Variants in SAMMSON observed in about 807,000 individuals in gnomAD.
SAMMSON encodes survival associated mitochondrial melanoma specific oncogenic non-coding RNA, also known as long intergenic non-protein coding RNA 1212.
At chr3:70,379,119 T>C (rs915212065) in intron 9 of SAMMSON, among the ~76,000 whole-genome samples, 1 of 151,964 alleles carries the variant, frequency 6.6e-6, no homozygotes, top group Non-Finnish European at 1.5e-5. Flanking sequence ...GTTCAAGCCA[T>C]TCTTCTGCCT....
At chr3:70,122,241 G>C (rs994470867) in intron 4 of SAMMSON, among the ~76,000 whole-genome samples, 1 of 152,034 alleles carries the variant, frequency 6.6e-6, no homozygotes, top group Admixed American at 6.6e-5. Context: ...CACCCAGGCC[G>C]GAGTGTAGTG....
intron 3 of SAMMSON, among the ~76,000 whole-genome samples, chr3:70,038,758 C>A (rs150911105): frequency 2.0e-5 from 3 of 152,078 alleles, no homozygotes; most frequent in Non-Finnish European, 4.4e-5. Flanking sequence ...TCAGATGAAG[C>A]CTCTATGAAT....
chr3:70,111,314 T>C (rs920963987), intron 4 of SAMMSON, among the ~76,000 whole-genome samples: 10 of 152,068 alleles, frequency 6.6e-5, no homozygotes, highest in Non-Finnish European at 8.8e-5. Flanking sequence ...GAAATAAAAA[T>C]AAATACTCAA....
At chr3:70,006,174 T>C (rs2107574969) in intron 1 of SAMMSON, among the ~76,000 whole-genome samples, 1 of 152,292 alleles carries the variant, frequency 6.6e-6, no homozygotes, top group Middle Eastern at 3.4e-3. Flanking sequence ...TAAAACAGAT[T>C]AGTGTCATTA....
At chr3:70,276,968 A>G (rs559360306) in intron 6 of SAMMSON, among the ~76,000 whole-genome samples, 2 of 148,936 alleles carry the variant, frequency 1.3e-5, no homozygotes, top group East Asian at 2.0e-4. Context: ...TTTTCACTGG[A>G]TTTTTTTTTT....
chr3:70,253,375 G>A (rs567527971), intron 6 of SAMMSON, among the ~76,000 whole-genome samples: 4 of 152,314 alleles, frequency 2.6e-5, no homozygotes, highest in Admixed American at 6.5e-5. Context: ...AAGGGGCTGA[G>A]TGGATAAAGT....
intron 3 of SAMMSON, among the ~76,000 whole-genome samples, chr3:70,054,334 C>T (rs1322440923): frequency 6.6e-6 from 1 of 152,040 alleles, no homozygotes; most frequent in East Asian, 1.9e-4. Flanking sequence ...CAGTAATACC[C>T]ATCTCTGGAT....
At chr3:70,346,265 T>C (rs1334789583) in intron 7 of SAMMSON, among the ~76,000 whole-genome samples, 2 of 152,100 alleles carry the variant, frequency 1.3e-5, no homozygotes. Context: ...ATTTGACATC[T>C]GTATATCATC....
chr3:70,368,892 C>T (rs976042534), intron 9 of SAMMSON, among the ~76,000 whole-genome samples: 1 of 151,564 alleles, frequency 6.6e-6, no homozygotes, highest in African/African-American at 2.4e-5. Context: ...TCAATATCTA[C>T]AAAATATCTT....
intron 4 of SAMMSON, among the ~76,000 whole-genome samples, chr3:70,180,730 C>A (rs1178980318): frequency 6.6e-6 from 1 of 152,192 alleles, no homozygotes; most frequent in Non-Finnish European, 1.5e-5. Context: ...AATATTATAT[C>A]TGGGCCAACA....
chr3:70,018,595 G>T (rs1475280216), intron 3 of SAMMSON, among the ~76,000 whole-genome samples: 2 of 151,938 alleles, frequency 1.3e-5, no homozygotes, highest in African/African-American at 2.4e-5. Context: ...GTTCTGCTCT[G>T]GTTTTAGTTA....
chr3:70,027,919 T>C (rs2067047454), intron 3 of SAMMSON, among the ~76,000 whole-genome samples: 1 of 152,162 alleles, frequency 6.6e-6, no homozygotes, highest in Non-Finnish European at 1.5e-5. Context: ...CAAAGCCGTT[T>C]TCATTTGGGG....
chr3:70,418,507 G>A (rs1054097994), intron 2 of SAMMSON, among the ~76,000 whole-genome samples: 1 of 152,144 alleles, frequency 6.6e-6, no homozygotes, highest in Admixed American at 6.5e-5. Context: ...TAAATACCCT[G>A]CCATCCTGGC....
At chr3:70,007,928 G>C (rs1440747387) in intron 1 of SAMMSON, among the ~76,000 whole-genome samples, 1 of 151,476 alleles carries the variant, frequency 6.6e-6, no homozygotes, top group Non-Finnish European at 1.5e-5. Flanking sequence ...TCTTTTTTTT[G>C]TCAGGTTGTC....
At position 70,247,842 on chromosome 3, in the gene SAMMSON, T is replaced by C. The variant is rs538141385; in HGVS notation, n.508-1265T>C. Reference sequence around the variant, plus strand: ...TTATGGTCATTAAAAAAAATAGATATAAAAATATTCATGAAGCACTAAAAT... The same window carrying C: ...TTATGGTCATTAAAAAAAATAGATACAAAAATATTCATGAAGCACTAAAAT... On this transcript the variant is annotated intron_variant and non_coding_transcript_variant, in intron 4 of 9. Transcript: ENST00000642114. Among the ~76,000 whole-genome samples the C allele has an allele frequency of 1.2e-4, 19 of 152,118 alleles. No homozygotes were observed. In the South Asian group the frequency reaches 2.3e-3, roughly 18 times the overall value.
chr3:70,278,932 G>C (rs1267122846), intron 6 of SAMMSON, among the ~76,000 whole-genome samples: 3 of 151,332 alleles, frequency 2.0e-5, no homozygotes, highest in African/African-American at 7.3e-5. Context: ...TCAATGAATA[G>C]TTTCTTTCTC....
At chr3:70,050,619 T>G (rs2067142429) in intron 3 of SAMMSON, among the ~76,000 whole-genome samples, 1 of 152,154 alleles carries the variant, frequency 6.6e-6, no homozygotes, top group Non-Finnish European at 1.5e-5. Flanking sequence ...AATGACAGAC[T>G]GCTAATTAGG....
upstream of SAMMSON, chr3:69,999,761 T>A (rs148964528): frequency 1.3e-5 from 2 of 152,302 alleles, no homozygotes; most frequent in Non-Finnish European, 2.9e-5. Context: ...CGCTAGACAT[T>A]TGAGGAACAC....
chr3:70,302,262 A>AT (rs917580264), intron 7 of SAMMSON, among the ~76,000 whole-genome samples: 10 of 150,582 alleles, frequency 6.6e-5, no homozygotes, highest in East Asian at 3.9e-4. Context: ...TTTATCTTTT[A>AT]TTTTTTTTTA....
Sources: gnomAD v4.1 joint callset for allele counts (sites outside exome capture counted in the v4.1 genomes callset) on GRCh38, gnomAD v4.1.1 for gene constraint, MANE v1.5 for transcripts, NCBI Gene and HGNC (gene_info 2026-07-23, HGNC 2026-07-21) for gene names.